The following RUNX1 variants were observed in gnomAD, a reference collection of about 807,000 sequenced individuals.
The protein encoded by RUNX1 is runt-related transcription factor 1.
RUNX1 carries 19 observed loss-of-function variants against 42.8 expected under a neutral mutation model. That is an observed-to-expected ratio of 0.44 (90% confidence interval 0.31 to 0.65). The LOEUF is 0.65. Ranked by LOEUF, RUNX1 falls within the 30% of genes least tolerant of loss-of-function variation. The probability of loss-of-function intolerance (pLI) is 0.07; values close to 1 mark genes in which losing one functional copy is unlikely to be tolerated. For synonymous variants in RUNX1, 271 were observed against 289.4 expected (o/e 0.94, Z 0.64); for missense variants, 528 against 672.0 (o/e 0.79, Z 2.37).
chr21:34,999,865 CA>C (rs1197931171), intron 2 of RUNX1, among the ~76,000 whole-genome samples: 5 of 152,200 alleles, frequency 3.3e-5, no homozygotes, highest in Non-Finnish European at 5.9e-5. Context: ...TGGTATCATT[CA>C]ACAGAAAGGA....
chr21:34,797,573 G>T (rs572934809), intron 8 of RUNX1, among the ~76,000 whole-genome samples: 1 of 152,198 alleles, frequency 6.6e-6, no homozygotes, highest in Non-Finnish European at 1.5e-5. Flanking sequence ...GACCGTAGCC[G>T]GTGTGCAGAG....
rs1456520602 is a variant in RUNX1 at position 34,792,174 on chromosome 21, G to A, written c.1404C>T (p.Pro468=). 1.3e-6 allele frequency: 2 copies of A among 1,527,598 alleles called. No individual in the cohort carries two copies. Among genetic ancestry groups the A allele is most frequent in the Admixed American group, 2.0e-5 (1 of 50,624 alleles). The allele number at this position is 1,527,598 out of a possible 1,614,324, so 94.6% of individuals were successfully genotyped here. A position where few individuals can be genotyped will look rare whatever the true frequency, so the allele number is the denominator to read the frequency against. Residue 468 remains proline, a synonymous_variant, in exon 9 of 9, where the codon CCC becomes CCT. Transcript: ENST00000675419. The surrounding 1 kb of genome is among the most constrained non-coding windows in gnomAD (Gnocchi z 6.9). Reference sequence around the variant, plus strand: ...ACACGGCCTCCTCCAGGCGCGCGGAGGGCGCCATGTTGGTGGGGGAGTTGC... The same window carrying A: ...ACACGGCCTCCTCCAGGCGCGCGGAAGGCGCCATGTTGGTGGGGGAGTTGC... The part of the protein sequence containing the change: ...SHSNSPTNMA[P]SARLEEAVWR...
Position 34,979,704 on chromosome 21 carries a change from C to T in RUNX1, c.58+69138G>A, listed in dbSNP as rs537919836. Among the ~76,000 whole-genome samples, 21 of 152,312 alleles carry T rather than the reference C, an allele frequency of 1.4e-4. No individual in the cohort carries two copies. The South Asian group carries it at 3.3e-3, about 24-fold the overall frequency. On this transcript the variant is annotated intron_variant, in intron 2 of 8. Transcript: ENST00000675419. ...TATATTATCTGGCAAGTCTATTTCA[C>T]GTCTGTTTTAAAGTCATGTCGGTTT...
chr21:34,793,259 T>C (rs1259560266), intron 8 of RUNX1, among the ~76,000 whole-genome samples: 2 of 152,114 alleles, frequency 1.3e-5, no homozygotes, highest in Non-Finnish European at 1.5e-5. Flanking sequence ...AGGAGGATGG[T>C]ATAATATACA....
intron 2 of RUNX1, among the ~76,000 whole-genome samples, chr21:34,968,589 C>T (rs2058737962): frequency 6.6e-6 from 1 of 152,132 alleles, no homozygotes; most frequent in Admixed American, 6.5e-5. Flanking sequence ...CTGAGTCCAG[C>T]TGATTGTCTA....
At chr21:34,910,252 G>A (rs2058261506) in intron 2 of RUNX1, among the ~76,000 whole-genome samples, 1 of 152,166 alleles carries the variant, frequency 6.6e-6, no homozygotes, top group Non-Finnish European at 1.5e-5. Context: ...CCAGCAAAGG[G>A]CTCCAACTTC....
At chr21:34,900,646 A>G (rs1446653460) in intron 2 of RUNX1, among the ~76,000 whole-genome samples, 1 of 152,252 alleles carries the variant, frequency 6.6e-6, no homozygotes, top group Admixed American at 6.5e-5. Context: ...GATAGCCACA[A>G]GTTAATCTCA....
At chr21:34,821,452 T>G in intron 7 of RUNX1, 1 of 1,368,622 alleles carries the variant, frequency 7.3e-7, no homozygotes, top group Non-Finnish European at 9.5e-7. Flanking sequence ...CATTTAATCC[T>G]CACAATTGTC....
At chr21:34,800,879 C>G (rs1255008644) in intron 7 of RUNX1, among the ~76,000 whole-genome samples, 1 of 152,022 alleles carries the variant, frequency 6.6e-6, no homozygotes. Flanking sequence ...TCTTTGAAAT[C>G]TAATATTAAA....
rs1229295922 is a variant in RUNX1 at position 34,886,839 on chromosome 21, G to T, written c.351+4C>A. 1.2e-6 allele frequency: 2 copies of T among 1,612,920 alleles called. No individual in the cohort carries two copies. Among genetic ancestry groups the T allele is most frequent in the African/African-American group, 2.7e-5 (2 of 74,910 alleles). On this transcript the variant is annotated splice_donor_region_variant and intron_variant, in intron 4 of 8. Coordinates refer to ENST00000675419, the MANE Select transcript of RUNX1 (RefSeq NM_001754.5). Reference sequence around the variant, plus strand: ...TCCTCCCACCACCCTCTCCGGGCCAGTACCTTGAAAGCGATGGGCAGGGTC... The same window carrying T: ...TCCTCCCACCACCCTCTCCGGGCCATTACCTTGAAAGCGATGGGCAGGGTC...
intron 2 of RUNX1, among the ~76,000 whole-genome samples, chr21:34,991,021 G>A (rs917353956): frequency 2.0e-5 from 3 of 152,186 alleles, no homozygotes; most frequent in Non-Finnish European, 2.9e-5. Context: ...ACAAAGAGCC[G>A]TACAGTTCAA....
chr21:34,842,232 T>C (rs186120390), intron 6 of RUNX1, among the ~76,000 whole-genome samples: 1 of 152,180 alleles, frequency 6.6e-6, no homozygotes, highest in Non-Finnish European at 1.5e-5. Context: ...CCGGGCCTGA[T>C]GGCTCATCCC....
intron 2 of RUNX1, among the ~76,000 whole-genome samples, chr21:35,040,175 GCC>G (rs1463699297): frequency 1.3e-5 from 2 of 152,170 alleles, no homozygotes; most frequent in Non-Finnish European, 2.9e-5. Flanking sequence ...GGATGAAGCT[GCC>G]CAGATGCAGC....
intron 2 of RUNX1, among the ~76,000 whole-genome samples, chr21:34,977,204 AT>A (rs1429581396): frequency 6.6e-6 from 1 of 152,244 alleles, no homozygotes; most frequent in African/African-American, 2.4e-5. Context: ...GAAAAGAAAA[AT>A]TTGAAAAATA....
intron 2 of RUNX1, among the ~76,000 whole-genome samples, chr21:34,914,020 A>T (rs1252355806): frequency 2.6e-5 from 4 of 152,164 alleles, no homozygotes; most frequent in Admixed American, 2.6e-4. Flanking sequence ...ACCTACTGTT[A>T]CTCAATATGG....
rs1209817381 is a variant in RUNX1 at position 35,036,590 on chromosome 21, A to AC, written c.58+12251dup. Among the ~76,000 whole-genome samples, 4 of 151,918 alleles carry AC rather than the reference A, an allele frequency of 2.6e-5. No individual in the cohort carries two copies. In the East Asian group the frequency reaches 7.7e-4, roughly 29 times the overall value. ...GAAGGGGGAAAAGAAGGGGAAAAAA[A>AC]CCCCAACTTCTTGACAAAAGGAATT... is the stretch of plus-strand genomic sequence containing the variant. On this transcript the variant is annotated intron_variant, in intron 2 of 8. Transcript: ENST00000675419.
intron 6 of RUNX1, among the ~76,000 whole-genome samples, chr21:34,835,999 C>T (rs2057140528): frequency 6.6e-6 from 1 of 152,260 alleles, no homozygotes; most frequent in Non-Finnish European, 1.5e-5. Flanking sequence ...TGCCAGGCCC[C>T]TTGGCACAGT....
At chr21:34,974,599 A>G (rs2058787111) in intron 2 of RUNX1, among the ~76,000 whole-genome samples, 1 of 152,186 alleles carries the variant, frequency 6.6e-6, no homozygotes, top group Admixed American at 6.5e-5. Flanking sequence ...AATAAAATGA[A>G]GTTGACATGA....
intron 2 of RUNX1, among the ~76,000 whole-genome samples, chr21:34,939,287 C>T (rs2058509273): frequency 6.6e-6 from 1 of 152,218 alleles, no homozygotes; most frequent in African/African-American, 2.4e-5. Flanking sequence ...CCTCTGCAGA[C>T]AACAGCATCA....
Sources: allele counts gnomAD v4.1 joint callset (sites outside exome capture counted in the v4.1 genomes callset), GRCh38; gene constraint gnomAD v4.1.1; non-coding constraint Gnocchi (gnomAD v3.1); transcripts MANE v1.5; gene names NCBI Gene and HGNC (gene_info 2026-07-23, HGNC 2026-07-21).